MSI2: variants seen among roughly 807,000 people sequenced by gnomAD.
MSI2 encodes the protein RNA-binding protein Musashi homolog 2.
A neutral mutation model predicts 45.6 loss-of-function variants in MSI2; 17 were observed. The ratio of observed to expected loss-of-function variants is 0.37; its 90% CI spans 0.26 to 0.56. MSI2 has a LOEUF of 0.56. Among genes scored for constraint, MSI2 ranks in the 20% least tolerant of loss-of-function variants. The pLI, the probability that MSI2 is intolerant of heterozygous loss-of-function variation, is 0.77. For synonymous variants in MSI2, 156 were observed against 158.2 expected, an observed-to-expected ratio of 0.99 and a Z score of 0.11; for missense variants, 293 against 444.2, an observed-to-expected ratio of 0.66 and a Z score of 3.06.
intron 5 of MSI2, among the ~76,000 whole-genome samples, chr17:57,315,743 A>G (rs1912802683): frequency 6.6e-6 from 1 of 152,136 alleles, no homozygotes; most frequent in African/African-American, 2.4e-5. Flanking sequence ...CATGGCCCAC[A>G]ACTTTCCTTC....
chr17:57,622,026 C>T (rs188601638), intron 9 of MSI2, among the ~76,000 whole-genome samples: 1 of 152,132 alleles, frequency 6.6e-6, no homozygotes, highest in Non-Finnish European at 1.5e-5. Context: ...AGTGAAAACT[C>T]CATCTCTACT....
rs182355461 is a variant in MSI2 at position 57,619,249 on chromosome 17, G to A, written c.652+3165G>A. ...ATCATGGGAACACAGGTAGGGAGGC[G>A]GGGCAGGAGGCAAGGGGCAAGAGCA... On this transcript the variant is annotated intron_variant, in intron 9 of 13. Coordinates refer to ENST00000284073, the MANE Select transcript of MSI2 (RefSeq NM_138962.4). Among the ~76,000 whole-genome samples the A allele has an allele frequency of 1.7e-3, 266 of 152,330 alleles. 2 individuals are homozygous for A. Among genetic ancestry groups the A allele is most frequent in the Admixed American group, 9.1e-4 (14 of 15,306 alleles).
chr17:57,611,647 C>G (rs1472760777), intron 8 of MSI2, among the ~76,000 whole-genome samples: 1 of 96,728 alleles, frequency 1.0e-5, no homozygotes, highest in Non-Finnish European at 2.5e-5. Context: ...AATGCTTGTG[C>G]TTGGGACACT....
At chr17:57,439,272 G>A (rs1394540457) in intron 6 of MSI2, among the ~76,000 whole-genome samples, 2 of 152,222 alleles carry the variant, frequency 1.3e-5, no homozygotes, top group Admixed American at 1.3e-4. Flanking sequence ...GATTTTACAG[G>A]TTGGAGGCTG....
intron 5 of MSI2, among the ~76,000 whole-genome samples, chr17:57,298,816 A>C (rs1020341124): frequency 3.9e-5 from 6 of 152,214 alleles, no homozygotes; most frequent in African/African-American, 1.4e-4. Flanking sequence ...ATTAGCCCCT[A>C]ACAAGACAGT....
chr17:57,602,949 G>T (rs574355195), intron 8 of MSI2, among the ~76,000 whole-genome samples: 1 of 152,214 alleles, frequency 6.6e-6, no homozygotes, highest in Non-Finnish European at 1.5e-5. Flanking sequence ...CACCAGGCAA[G>T]GGCCACTGCT....
chr17:57,487,645 C>T (rs2085781743), intron 6 of MSI2, among the ~76,000 whole-genome samples: 1 of 152,062 alleles, frequency 6.6e-6, no homozygotes, highest in Non-Finnish European at 1.5e-5. Context: ...CTTGGTGAGG[C>T]TGATGAGGTC....
intron 7 of MSI2, among the ~76,000 whole-genome samples, chr17:57,555,048 G>A (rs527524314): frequency 3.3e-5 from 5 of 152,342 alleles, no homozygotes; most frequent in Non-Finnish European, 7.4e-5. Context: ...CTTCCTGTGG[G>A]TGAGAAGTAG....
chr17:57,537,590 C>T (rs140740897), intron 7 of MSI2, among the ~76,000 whole-genome samples: 1 of 152,340 alleles, frequency 6.6e-6, no homozygotes, highest in East Asian at 1.9e-4. Context: ...AATCTGGCAA[C>T]ATCGATCCAA....
chr17:57,626,379 T>G (rs1368720721), intron 9 of MSI2: 1 of 152,148 alleles, frequency 6.6e-6, no homozygotes, highest in African/African-American at 2.4e-5. Flanking sequence ...AATGACTCCC[T>G]GAGAGCTGAA....
intron 5 of MSI2, among the ~76,000 whole-genome samples, chr17:57,356,533 C>T (rs1916438168): frequency 2.0e-5 from 3 of 152,102 alleles, no homozygotes; most frequent in Admixed American, 6.6e-5. Flanking sequence ...CCCCCAAAGA[C>T]GAAAACACAC....
intron 7 of MSI2, among the ~76,000 whole-genome samples, chr17:57,536,739 C>G (rs900616172): frequency 1.3e-5 from 2 of 152,206 alleles, no homozygotes; most frequent in Non-Finnish European, 2.9e-5. Flanking sequence ...AGCGGACAGT[C>G]TGTCATAGAC....
At chr17:57,403,943 A>ATG (rs1567804133) in intron 6 of MSI2, among the ~76,000 whole-genome samples, 134 of 152,172 alleles carry the variant, frequency 8.8e-4, no homozygotes, top group Middle Eastern at 3.4e-3. Context: ...GCACACACAC[A>ATG]CACACACACA....
intron 8 of MSI2, among the ~76,000 whole-genome samples, chr17:57,603,150 A>G (rs1052122083): frequency 6.6e-6 from 1 of 152,230 alleles, no homozygotes; most frequent in Non-Finnish European, 1.5e-5. Context: ...AACAGAGACC[A>G]GATTTCCGAA....
intron 7 of MSI2, among the ~76,000 whole-genome samples, chr17:57,542,181 T>C (rs1315497762): frequency 6.6e-6 from 1 of 151,948 alleles, no homozygotes; most frequent in Non-Finnish European, 1.5e-5. Flanking sequence ...GTTCATTGAG[T>C]GAGAATGGTG....
intron 6 of MSI2, among the ~76,000 whole-genome samples, chr17:57,437,337 T>C (rs770884606): frequency 5.3e-5 from 8 of 152,210 alleles, no homozygotes; most frequent in Non-Finnish European, 1.0e-4. Flanking sequence ...TGCTCCCAGA[T>C]CATCAGAAAG....
intron 7 of MSI2, chr17:57,565,823 C>G (rs1217969119): frequency 6.6e-6 from 1 of 152,226 alleles, no homozygotes; most frequent in Non-Finnish European, 1.5e-5. Flanking sequence ...CCCCTTCTTG[C>G]TATTCTCCTC....
At chr17:57,507,174 TTG>T (rs1491133489) in intron 6 of MSI2, among the ~76,000 whole-genome samples, 2 of 30,588 alleles carry the variant, frequency 6.5e-5, no homozygotes, top group Non-Finnish European at 1.8e-4. Flanking sequence ...TCTGTGTGTG[TTG>T]GGGGGGGGGG....
intron 11 of MSI2, 158 bp from the exon 12 acceptor site, chr17:57,674,814 G>A (rs1913101608): frequency 9.2e-7 from 1 of 1,090,324 alleles, no homozygotes; most frequent in Admixed American, 2.3e-5. Flanking sequence ...TTGGTTGAGT[G>A]TTAGAAGTTG....
Sources: gnomAD v4.1 joint callset for allele counts (sites outside exome capture counted in the v4.1 genomes callset) on GRCh38, gnomAD v4.1.1 for gene constraint, MANE v1.5 for transcripts, NCBI Gene and HGNC (gene_info 2026-07-23, HGNC 2026-07-21) for gene names.